The following UNC5D variants were observed in gnomAD, a reference collection of about 807,000 sequenced individuals.
UNC5D encodes the protein unc-5 netrin receptor D.
Under a neutral mutation model 105.4 loss-of-function variants are expected in UNC5D, and 39 were observed. That is an observed-to-expected ratio of 0.37 (90% confidence interval 0.29 to 0.48). The LOEUF is 0.48. Ranked by LOEUF, UNC5D falls within the 20% of genes least tolerant of loss-of-function variation. The pLI is 0.98. For missense variants in UNC5D, 991 were observed against 1,202.4 expected, an observed-to-expected ratio of 0.82 and a Z score of 2.60; for synonymous variants, 452 against 450.4, an observed-to-expected ratio of 1.00 and a Z score of -0.04.
intron 1 of UNC5D, among the ~76,000 whole-genome samples, chr8:35,455,393 C>G (rs903620379): frequency 7.2e-5 from 11 of 152,000 alleles, no homozygotes; most frequent in Admixed American, 3.9e-4. Flanking sequence ...ATTCTCATGC[C>G]TCAGCCTCCC....
intron 9 of UNC5D, 76 bp from the exon 10 acceptor site, chr8:35,726,076 T>G (rs963149283): frequency 1.3e-6 from 2 of 1,524,700 alleles, no homozygotes; most frequent in African/African-American, 2.8e-5. Flanking sequence ...TGTTGCGCAG[T>G]TTGCAGAGGC....
Position 35,774,398 on chromosome 8 carries a change from C to A in UNC5D, c.2578C>A (p.Arg860=), listed in dbSNP as rs747771719. 1.9e-6 allele frequency: 3 copies of A among 1,613,972 alleles called. No individual in the cohort carries two copies. Among genetic ancestry groups the A allele is most frequent in the African/African-American group, 1.3e-5 (1 of 74,910 alleles). The change falls in exon 16 of 17, where the codon CGG becomes AGG. Residue 860 remains arginine, a synonymous_variant. Coordinates refer to ENST00000404895, the MANE Select transcript of UNC5D (RefSeq NM_080872.4). Reference sequence around the variant, plus strand: ...CAAAATTCCCTACTCCATCAGACAGCGGATTTGTGCTACATTTGATACCCC... The same window carrying A: ...CAAAATTCCCTACTCCATCAGACAGAGGATTTGTGCTACATTTGATACCCC... The part of the protein sequence containing the change: ...AFKIPYSIRQ[R]ICATFDTPNA...
At chr8:35,337,701 A>G (rs1288293024) in intron 1 of UNC5D, among the ~76,000 whole-genome samples, 2 of 152,180 alleles carry the variant, frequency 1.3e-5, no homozygotes, top group Non-Finnish European at 2.9e-5. Flanking sequence ...ATGTTAGAAA[A>G]ACCATAAAAG....
At chr8:35,750,141 GTT>G (rs894144853) in intron 12 of UNC5D, among the ~76,000 whole-genome samples, 1 of 151,422 alleles carries the variant, frequency 6.6e-6, no homozygotes, top group African/African-American at 2.4e-5. Context: ...CATTTCTTGA[GTT>G]TTTTTTTCTT....
chr8:35,337,270 G>T (rs1318329670), intron 1 of UNC5D, among the ~76,000 whole-genome samples: 1 of 151,968 alleles, frequency 6.6e-6, no homozygotes, highest in Non-Finnish European at 1.5e-5. Flanking sequence ...CTTATTTTTT[G>T]ATAAGAGTTT....
intron 1 of UNC5D, among the ~76,000 whole-genome samples, chr8:35,263,459 A>G (rs2128824400): frequency 6.6e-6 from 1 of 152,220 alleles, no homozygotes; most frequent in South Asian, 2.1e-4. Flanking sequence ...GCTGGAGTGC[A>G]GTCCAGCTCA....
chr8:35,780,763 TC>T (rs1296532062), intron 16 of UNC5D, among the ~76,000 whole-genome samples: 1 of 152,160 alleles, frequency 6.6e-6, no homozygotes, highest in East Asian at 1.9e-4. Flanking sequence ...GAAAACACAT[TC>T]TAACCTTCAA....
chr8:35,412,565 C>A (rs1805246296), intron 1 of UNC5D, among the ~76,000 whole-genome samples: 1 of 151,928 alleles, frequency 6.6e-6, no homozygotes, highest in Non-Finnish European at 1.5e-5. Flanking sequence ...CTTAACCTCT[C>A]CCTCCCATGG....
intron 1 of UNC5D, among the ~76,000 whole-genome samples, chr8:35,522,608 G>T (rs1813565822): frequency 6.6e-6 from 1 of 152,162 alleles, no homozygotes; most frequent in African/African-American, 2.4e-5. Context: ...ATGCTTTATG[G>T]TAGAAAGAAC....
chr8:35,687,543 GT>G (rs1217149588), intron 7 of UNC5D, among the ~76,000 whole-genome samples: 2 of 151,744 alleles, frequency 1.3e-5, no homozygotes, highest in Non-Finnish European at 2.9e-5. Flanking sequence ...CAAGTAGAAT[GT>G]TTGTTTCAAA....
intron 3 of UNC5D, among the ~76,000 whole-genome samples, chr8:35,574,922 A>G (rs1313334158): frequency 1.3e-5 from 2 of 151,696 alleles, no homozygotes. Context: ...TCACACTCCA[A>G]TCTCTCCCTA....
intron 7 of UNC5D, among the ~76,000 whole-genome samples, chr8:35,694,457 G>T (rs889485323): frequency 1.3e-5 from 2 of 152,172 alleles, no homozygotes; most frequent in Non-Finnish European, 2.9e-5. Flanking sequence ...TGAAGGATAG[G>T]TTGAAGCCTC....
intron 3 of UNC5D, among the ~76,000 whole-genome samples, chr8:35,592,614 C>G (rs1195095060): frequency 6.6e-6 from 1 of 152,120 alleles, no homozygotes; most frequent in Non-Finnish European, 1.5e-5. Flanking sequence ...TAAGTTTACC[C>G]TCCTTAGGAT....
intron 1 of UNC5D, among the ~76,000 whole-genome samples, chr8:35,547,639 G>A (rs534134456): frequency 4.1e-4 from 63 of 152,220 alleles, no homozygotes; most frequent in African/African-American, 1.5e-3. Flanking sequence ...GTTTACCATT[G>A]ACAATGCTTC....
At chr8:35,560,684 G>A (rs763481444) in intron 2 of UNC5D, among the ~76,000 whole-genome samples, 1 of 151,324 alleles carries the variant, frequency 6.6e-6, no homozygotes. Context: ...TTAGAAGAAG[G>A]CCTAATCTAG....
At chr8:35,642,790 G>A (rs908694479) in intron 4 of UNC5D, among the ~76,000 whole-genome samples, 2 of 152,106 alleles carry the variant, frequency 1.3e-5, no homozygotes, top group African/African-American at 4.8e-5. Flanking sequence ...GAGACTTTAA[G>A]CTCCTAGAAG....
chr8:35,671,245 T>A (rs969466029), intron 4 of UNC5D, among the ~76,000 whole-genome samples: 1 of 152,228 alleles, frequency 6.6e-6, no homozygotes, highest in African/African-American at 2.4e-5. Flanking sequence ...CATATTCTAA[T>A]ATAAATGTAT....
chr8:35,642,930 A>C (rs1340086484), intron 4 of UNC5D, among the ~76,000 whole-genome samples: 1 of 152,152 alleles, frequency 6.6e-6, no homozygotes, highest in Non-Finnish European at 1.5e-5. Context: ...AGAGTAAAGC[A>C]AACAGGTCTT....
At chr8:35,585,701 A>G (rs181622035) in intron 3 of UNC5D, among the ~76,000 whole-genome samples, 257 of 152,072 alleles carry the variant, frequency 1.7e-3, no homozygotes, top group African/African-American at 6.0e-3. Context: ...GAAGGATATG[A>G]TCTTTGTTGC....
Sources: gnomAD v4.1 joint callset for allele counts (sites outside exome capture counted in the v4.1 genomes callset) on GRCh38, gnomAD v4.1.1 for gene constraint, MANE v1.5 for transcripts, NCBI Gene and HGNC (gene_info 2026-07-23, HGNC 2026-07-21) for gene names.